SKI: variants seen among roughly 807,000 people sequenced by gnomAD.
SKI encodes SKI proto-oncogene, also known as ski oncogene.
SKI carries 23 observed loss-of-function variants against 59.3 expected under a neutral mutation model. The observed-to-expected ratio is 0.39, with a 90% CI of 0.28 to 0.55. The LOEUF (loss-of-function observed/expected upper bound fraction) is 0.55, where lower values mean the gene tolerates loss of function less well. Among genes scored for constraint, SKI ranks in the 20% least tolerant of loss-of-function variants. SKI has a pLI of 0.67. For synonymous variants in SKI, 673 were observed against 488.6 expected (o/e 1.38, Z -4.98); for missense variants, 1,017 against 1,038.9 (o/e 0.98, Z 0.29).
intron 1 of SKI, among the ~76,000 whole-genome samples, chr1:2,242,420 G>C (rs1638900214): frequency 6.6e-6 from 1 of 152,222 alleles, no homozygotes; most frequent in Non-Finnish European, 1.5e-5. Flanking sequence ...CTGGAAACGT[G>C]GGAAGCCGGG....
chr1:2,234,370 G>A (rs900851126), intron 1 of SKI, among the ~76,000 whole-genome samples: 4 of 152,196 alleles, frequency 2.6e-5, no homozygotes, highest in African/African-American at 4.8e-5. Flanking sequence ...CTCGCCTTCT[G>A]GGGCAGCAGG....
At chr1:2,286,890 T>G (rs750908834) in intron 1 of SKI, among the ~76,000 whole-genome samples, 1 of 152,268 alleles carries the variant, frequency 6.6e-6, no homozygotes, top group Non-Finnish European at 1.5e-5. Flanking sequence ...ATGCATGCTC[T>G]GTGGTCACGG....
intron 1 of SKI, among the ~76,000 whole-genome samples, chr1:2,258,353 C>T (rs1465863113): frequency 1.3e-5 from 2 of 152,054 alleles, no homozygotes; most frequent in African/African-American, 4.8e-5. Flanking sequence ...GCCGAATCGC[C>T]CCCTAGGGAG....
At chr1:2,290,960 TTGTCTC>T (rs1288670153) in intron 1 of SKI, among the ~76,000 whole-genome samples, 1 of 152,238 alleles carries the variant, frequency 6.6e-6, no homozygotes, top group East Asian at 1.9e-4. Flanking sequence ...AAAGGCCTGT[TTGTCTC>T]CCTCAATCTT....
rs1037662754 is a variant in SKI at position 2,228,333 on chromosome 1, C to A, written c.-434C>A. Among the ~76,000 whole-genome samples, 1 of 142,824 alleles carries A rather than the reference C, an allele frequency of 7.0e-6. No homozygotes were observed. The highest frequency in any genetic ancestry group is 2.5e-5 in the African/African-American group (1 of 39,890). 93.7% of individuals were successfully genotyped at this position (142,824 alleles called of 152,430 possible). A position where few individuals can be genotyped will look rare whatever the true frequency, so the allele number is the denominator to read the frequency against. ...CCCGCGCCCCCGCTCCTCCCGGGCCCCTCGGCCTCGGCCGCCGCGGCGATT... is the reference window on the plus strand; with the variant it reads ...CCCGCGCCCCCGCTCCTCCCGGGCCACTCGGCCTCGGCCGCCGCGGCGATT... On this transcript the variant is annotated 5_prime_UTR_variant, in exon 1 of 7. Coordinates refer to ENST00000378536, the MANE Select transcript of SKI (RefSeq NM_003036.4).
At chr1:2,305,473 C>CCA (rs1215262165) in intron 5 of SKI, among the ~76,000 whole-genome samples, 2 of 152,214 alleles carry the variant, frequency 1.3e-5, no homozygotes, top group African/African-American at 4.8e-5. Context: ...ACGTCCCCCG[C>CCA]CACTGTTGTC....
intron 1 of SKI, among the ~76,000 whole-genome samples, chr1:2,246,721 G>T (rs1639004959): frequency 1.3e-5 from 2 of 152,172 alleles, no homozygotes; most frequent in African/African-American, 4.8e-5. Flanking sequence ...GACCTGCTGG[G>T]GCCGAAGGCT....
chr1:2,258,003 G>T (rs1557824506), intron 1 of SKI, among the ~76,000 whole-genome samples: 1 of 152,216 alleles, frequency 6.6e-6, no homozygotes, highest in Non-Finnish European at 1.5e-5. Context: ...CTCCCAAAGT[G>T]CTGGGATTAC....
At chr1:2,306,528 C>G (rs1350461338) in intron 6 of SKI, 49 bp from the exon 7 acceptor site, 2 of 1,517,476 alleles carry the variant, frequency 1.3e-6, no homozygotes, top group Admixed American at 2.0e-5. Context: ...AGCGTCGGGC[C>G]GGGGCAGGGC....
chr1:2,283,720 C>T (rs1308696538), intron 1 of SKI, among the ~76,000 whole-genome samples: 1 of 152,210 alleles, frequency 6.6e-6, no homozygotes, highest in African/African-American at 2.4e-5. Flanking sequence ...CCCTGCTGCC[C>T]ATGGCCCGGA....
intron 1 of SKI, among the ~76,000 whole-genome samples, chr1:2,255,105 G>T (rs1639245140): frequency 6.6e-6 from 1 of 152,056 alleles, no homozygotes; most frequent in Non-Finnish European, 1.5e-5. Context: ...TTTAGCTAAG[G>T]AGTCCATGGC....
chr1:2,237,445 C>T (rs569782685), intron 1 of SKI, among the ~76,000 whole-genome samples: 3 of 152,264 alleles, frequency 2.0e-5, no homozygotes, highest in East Asian at 3.9e-4. Flanking sequence ...GCCAGGTGTC[C>T]GCTAATTACG....
chr1:2,288,591 C>T (rs1383914097), intron 1 of SKI, among the ~76,000 whole-genome samples: 4 of 152,196 alleles, frequency 2.6e-5, no homozygotes, highest in East Asian at 1.9e-4. Context: ...GCGTGAGACC[C>T]CCAGGTGGTT....
intron 1 of SKI, among the ~76,000 whole-genome samples, chr1:2,289,155 G>T (rs1640108536): frequency 1.3e-5 from 2 of 152,212 alleles, no homozygotes; most frequent in South Asian, 4.1e-4. Context: ...AGTGGTTGGT[G>T]AGAAAGCACA....
At chr1:2,257,354 C>T (rs923630741) in intron 1 of SKI, among the ~76,000 whole-genome samples, 1 of 152,260 alleles carries the variant, frequency 6.6e-6, no homozygotes, top group African/African-American at 2.4e-5. Flanking sequence ...AGGGGGAGGG[C>T]ACCTGGGAGC....
chr1:2,260,700 C>T (rs1250805958), intron 1 of SKI, among the ~76,000 whole-genome samples: 1 of 151,782 alleles, frequency 6.6e-6, no homozygotes, highest in African/African-American at 2.4e-5. Context: ...GCCACCACAC[C>T]TGGCTAATTT....
chr1:2,299,266 C>G (rs1422076162), intron 1 of SKI, among the ~76,000 whole-genome samples: 1 of 152,008 alleles, frequency 6.6e-6, no homozygotes, highest in Non-Finnish European at 1.5e-5. Context: ...GGGGGGGCCA[C>G]ACGGGCAGGC....
chr1:2,229,368 A>G lies in SKI; in HGVS notation c.602A>G (p.Lys201Arg), dbSNP rs2100790534. The G allele has an allele frequency of 6.2e-7, 1 of 1,600,622 alleles. No homozygotes were observed. ...GGCGCCTACCCGCCGCCCTGCAAGA[A>G]GGAGCTGGCCGCCAGCCTGGCGCTG... is the stretch of plus-strand genomic sequence containing the variant. ...YGGAYPPPCK[K>R]ELAASLALGL... Residue 201 changes from lysine to arginine, a missense_variant, in exon 1 of 7, where the codon AAG becomes AGG. Physicochemically the swap from Lys to Arg is conservative, Grantham distance 26. Coordinates refer to ENST00000378536, the MANE Select transcript of SKI (RefSeq NM_003036.4). This position sits in a 1 kb window ranked among gnomAD's most constrained non-coding sequence, Gnocchi z 6.3.
rs188748735 is a variant in SKI at position 2,230,559 on chromosome 1, G to A, written c.969+824G>A. The stretch of plus-strand genomic sequence containing the variant: ...TTCTCTCCCTCTGAAACGCAGAGGG[G>A]TGCGCCGGAGAGGGAGGCTGCTGGC... On this transcript the variant is annotated intron_variant, in intron 1 of 6. Transcript: ENST00000378536. Among the ~76,000 whole-genome samples, 20 of 152,322 alleles carry A rather than the reference G, an allele frequency of 1.3e-4. No homozygotes were observed. In the East Asian group the frequency reaches 3.9e-3, roughly 29 times the overall value.
Sources: gnomAD v4.1 joint callset for allele counts (sites outside exome capture counted in the v4.1 genomes callset) on GRCh38, gnomAD v4.1.1 for gene constraint, Gnocchi (gnomAD v3.1) non-coding constraint, MANE v1.5 for transcripts, NCBI Gene and HGNC (gene_info 2026-07-23, HGNC 2026-07-21) for gene names.